ZNF280D: variants seen among roughly 807,000 people sequenced by gnomAD.
ZNF280D encodes zinc finger protein 280D, also known as suppressor of hairy wing homolog 4.
A neutral mutation model predicts 94.7 loss-of-function variants in ZNF280D; 39 were observed. The ratio of observed to expected loss-of-function variants is 0.41; its 90% CI spans 0.32 to 0.54. ZNF280D has a LOEUF of 0.54. ZNF280D is among the 20% of genes least tolerant of loss of function. The probability of loss-of-function intolerance (pLI) is 0.22; values close to 1 mark genes in which losing one functional copy is unlikely to be tolerated. For missense variants in ZNF280D, 1,090 were observed against 1,149.3 expected (o/e 0.95, Z 0.75); for synonymous variants, 398 against 377.6 (o/e 1.05, Z -0.63).
At chr15:56,723,989 T>TTAAC (rs1419862192) in intron 1 of ZNF280D, among the ~76,000 whole-genome samples, 4 of 152,194 alleles carry the variant, frequency 2.6e-5, no homozygotes, top group African/African-American at 9.7e-5. Context: ...GTATACTGTA[T>TTAAC]GTTATCAGTT....
rs561757816 is a variant in ZNF280D, at chr15:56,639,937, T to C, written c.2259+3015A>G. Among the ~76,000 whole-genome samples, 27 of 151,888 alleles carry C rather than the reference T, an allele frequency of 1.8e-4. No individual in the cohort carries two copies. The East Asian group carries it at 3.9e-3, about 22-fold the overall frequency. On this transcript the variant is annotated intron_variant, in intron 20 of 21. Transcript: ENST00000267807. ...TTGAGGCGGGGAGTCTGGGAGGAGATCTTCAGACCCCTTCACTCCCCAGCG... is the reference window on the plus strand; with the variant it reads ...TTGAGGCGGGGAGTCTGGGAGGAGACCTTCAGACCCCTTCACTCCCCAGCG...
intron 19 of ZNF280D, chr15:56,645,104 T>G (rs1596337430): frequency 6.6e-6 from 1 of 152,200 alleles, no homozygotes; most frequent in East Asian, 1.9e-4. Context: ...AACACATCAT[T>G]AACACTTTTA....
chr15:56,654,038 T>G, intron 19 of ZNF280D, 160 bp downstream of exon 19: 2 of 1,465,580 alleles, frequency 1.4e-6, no homozygotes, highest in Middle Eastern at 2.6e-4. Flanking sequence ...GGTCACGAGC[T>G]CCATAGAGCA....
intron 1 of ZNF280D, among the ~76,000 whole-genome samples, chr15:56,716,506 GA>G (rs529405989): frequency 0.026 from 2,283 of 88,064 alleles, 44 homozygotes; most frequent in African/African-American, 0.079. Context: ...CATTGTGACT[GA>G]AAAAAAAAAA....
At chr15:56,676,106 A>C (rs2055213804) in intron 13 of ZNF280D, among the ~76,000 whole-genome samples, 1 of 152,136 alleles carries the variant, frequency 6.6e-6, no homozygotes, top group African/African-American at 2.4e-5. Flanking sequence ...GTGATGATCT[A>C]AATATAGTTC....
At chr15:56,645,616 G>A (rs1272470434) in intron 19 of ZNF280D, among the ~76,000 whole-genome samples, 6 of 152,120 alleles carry the variant, frequency 3.9e-5, no homozygotes, top group East Asian at 1.9e-4. Flanking sequence ...GCATGATCTC[G>A]GCTCACTGCA....
In ZNF280D at chr15:56,682,308, G is replaced by C; in HGVS notation, c.950C>G (p.Thr317Ser). Residue 317 changes from threonine (T) to serine (S), a missense_variant, in exon 10 of 22, where the codon ACT (threonine) becomes AGT (serine). Physicochemically the swap from Thr to Ser is moderately conservative, Grantham distance 58. This residue lies in a region of ZNF280D where 386 missense variants were observed against 372.0 expected (regional missense o/e 1.04). Coordinates refer to ENST00000267807, the MANE Select transcript of ZNF280D (RefSeq NM_017661.4). ...ACTGAAGCATTTAAAGGTTGTGTGA[G>C]TCTTCTGTTCCTCCTGGACATCTCC... ...HEGDVQEEQK[T>S]HTTFKCFSCL... 6.9e-6 allele frequency: 11 copies of C among 1,590,388 alleles called. No individual in the cohort carries two copies. The highest frequency in any genetic ancestry group is 9.4e-6 in the Non-Finnish European group (11 of 1,173,388).
chr15:56,725,357 T>C (rs2058579891), intron 1 of ZNF280D, among the ~76,000 whole-genome samples: 1 of 152,066 alleles, frequency 6.6e-6, no homozygotes, highest in Non-Finnish European at 1.5e-5. Flanking sequence ...CTGAGAAATT[T>C]TTTTCAATAT....
Position 56,666,477 on chromosome 15 carries a change from T to A in ZNF280D, c.1912A>T (p.Asn638Tyr), listed in dbSNP as rs1426675451. 1 of 1,603,392 alleles carries A rather than the reference T, an allele frequency of 6.2e-7. No individual in the cohort carries two copies. The highest frequency in any genetic ancestry group is 8.5e-7 in the Non-Finnish European group (1 of 1,177,080). The change falls in exon 16 of 22, where the codon AAC (asparagine) becomes TAC (tyrosine). Residue 638 changes from asparagine to tyrosine, a missense_variant. By Grantham distance (143) the Asn-to-Tyr change is moderately radical (BLOSUM62 -2). This residue lies in a region of ZNF280D where 577 missense variants were observed against 568.8 expected (regional missense o/e 1.01). Coordinates refer to ENST00000267807, the MANE Select transcript of ZNF280D (RefSeq NM_017661.4). ...CAGTGGACGTACGTAGGAAAGTGGT[T>A]TGCAAAATCTTTTATTTCGGAACAA... The part of the protein sequence containing the change: ...ECCSEIKDFA[N>Y]HFPTYVHCSF...
chr15:56,700,631 T>C (rs1260729830), intron 6 of ZNF280D: 5 of 1,280,114 alleles, frequency 3.9e-6, no homozygotes, highest in Non-Finnish European at 3.9e-6. Flanking sequence ...TCTTAAATAT[T>C]TGTCATTATG....
At chr15:56,644,036 T>G (rs936023082) in intron 19 of ZNF280D, among the ~76,000 whole-genome samples, 38 of 152,042 alleles carry the variant, frequency 2.5e-4, no homozygotes, top group African/African-American at 8.7e-4. Flanking sequence ...GGGCTATAAA[T>G]GTTTATACTT....
chr15:56,638,495 G>A (rs2052460651), intron 20 of ZNF280D, among the ~76,000 whole-genome samples: 1 of 152,046 alleles, frequency 6.6e-6, no homozygotes, highest in African/African-American at 2.4e-5. Flanking sequence ...TGAAGTACTG[G>A]GTGAGGCTGG....
intron 7 of ZNF280D, among the ~76,000 whole-genome samples, chr15:56,689,747 T>G (rs993729837): frequency 2.0e-5 from 3 of 151,372 alleles, no homozygotes; most frequent in African/African-American, 7.3e-5. Context: ...TAAATAGCTA[T>G]CACAAAGGGA....
At chr15:56,673,115 T>A (rs2054979430) in intron 13 of ZNF280D, among the ~76,000 whole-genome samples, 1 of 152,088 alleles carries the variant, frequency 6.6e-6, no homozygotes, top group Non-Finnish European at 1.5e-5. Flanking sequence ...TTTCTCTATC[T>A]ATAACCACTC....
At chr15:56,641,130 C>A (rs117985913) in intron 20 of ZNF280D, among the ~76,000 whole-genome samples, 3,961 of 152,062 alleles carry the variant, frequency 0.026, 70 homozygotes, top group Non-Finnish European at 0.04. Context: ...GTGACTCATG[C>A]ATTTCTCATT....
intron 13 of ZNF280D, among the ~76,000 whole-genome samples, chr15:56,673,562 T>C (rs2055005776): frequency 6.6e-6 from 1 of 152,038 alleles, no homozygotes; most frequent in South Asian, 2.1e-4. Context: ...TGGACTTTTC[T>C]TTCCATAGCT....
intron 1 of ZNF280D, among the ~76,000 whole-genome samples, chr15:56,724,694 T>A (rs2058545565): frequency 6.6e-6 from 1 of 152,232 alleles, no homozygotes; most frequent in South Asian, 2.1e-4. Context: ...GTTCTGATGA[T>A]GGAATACGGT....
chr15:56,658,482 G>T lies in ZNF280D; in HGVS notation c.1999C>A (p.His667Asn). The change falls in exon 17 of 22, where the codon CAT becomes AAT. Residue 667 changes from histidine to asparagine, a missense_variant. By Grantham distance (68) the His-to-Asn change is moderately conservative. Around this residue, in one of 3 missense-constraint regions of ZNF280D, gnomAD observed 577 missense variants for 568.8 expected, o/e 1.01. Transcript: ENST00000267807. The stretch of plus-strand genomic sequence containing the variant: ...AACCTTTTGCTTGGACGGTTACTAT[G>T]AAAGCTGGAGAAACAAAAGAGATAG... The part of the protein sequence containing the change: ...KAYVNHMMSF[H>N]SNRPSKRFCI... 1 of 1,561,584 alleles carries T rather than the reference G, an allele frequency of 6.4e-7. No homozygotes were observed. Among genetic ancestry groups the T allele is most frequent in the South Asian group, 1.3e-5 (1 of 79,740 alleles).
At chr15:56,676,010 T>C (rs1172761048) in intron 13 of ZNF280D, among the ~76,000 whole-genome samples, 2 of 151,458 alleles carry the variant, frequency 1.3e-5, no homozygotes, top group African/African-American at 4.9e-5. Flanking sequence ...ATAAGCATAA[T>C]ATCAGAATTC....
Sources: allele counts gnomAD v4.1 joint callset (sites outside exome capture counted in the v4.1 genomes callset), GRCh38; gene constraint gnomAD v4.1.1; regional missense constraint gnomAD v4.1.1; transcripts MANE v1.5; gene names NCBI Gene and HGNC (gene_info 2026-07-23, HGNC 2026-07-21).